Variants in SNX29 observed in about 807,000 individuals in gnomAD.
The protein encoded by SNX29 is sorting nexin 29.
In SNX29, 78 loss-of-function variants were observed where a neutral mutation model predicts 102.1. The observed-to-expected ratio is 0.76, with a 90% CI of 0.64 to 0.92. The LOEUF is 0.92. SNX29 is among the 40% of genes least tolerant of loss of function. The pLI is 0.00. For synonymous variants in SNX29, 580 were observed against 414.5 expected (o/e 1.40, Z -4.85); for missense variants, 1,280 against 1,061.7 (o/e 1.21, Z -2.86).
rs1046917658 is a variant in SNX29 at position 12,127,258 on chromosome 16, C to CA, written c.1466+574dup. On this transcript the variant is annotated intron_variant, in intron 12 of 20. Transcript: ENST00000566228. ...TGGGTGACAGAGCGAGCCTCTGTCTCAAAAAAAAAAAATAAAATAAAATAA... is the reference window on the plus strand; with the variant it reads ...TGGGTGACAGAGCGAGCCTCTGTCTCAAAAAAAAAAAAATAAAATAAAATAA... Among the ~76,000 whole-genome samples the CA allele has an allele frequency of 7.9e-3, 817 of 103,024 alleles. 5 individuals are homozygous for CA. The highest frequency in any genetic ancestry group is 0.017 in the African/African-American group (473 of 27,406). The allele number at this position is 103,024 out of a possible 152,430, so 67.6% of individuals were successfully genotyped here.
chr16:12,546,017 CAA>C (rs954104121), intron 20 of SNX29, among the ~76,000 whole-genome samples: 42 of 152,156 alleles, frequency 2.8e-4, no homozygotes, highest in African/African-American at 9.6e-4. Context: ...AAACAGAAAA[CAA>C]AAAAACCCAC....
intron 18 of SNX29, among the ~76,000 whole-genome samples, chr16:12,412,383 A>G (rs763577715): frequency 6.6e-5 from 10 of 152,214 alleles, no homozygotes; most frequent in Non-Finnish European, 1.5e-4. Flanking sequence ...TGTCTCAGTG[A>G]AATGAACCTG....
chr16:12,567,962 C>T (rs1192182026), intron 20 of SNX29, among the ~76,000 whole-genome samples: 1 of 152,160 alleles, frequency 6.6e-6, no homozygotes, highest in Admixed American at 6.5e-5. Context: ...CAGTGTCCCC[C>T]TCTTGGTGTT....
At chr16:12,315,140 G>A (rs1288261036) in intron 15 of SNX29, among the ~76,000 whole-genome samples, 2 of 152,192 alleles carry the variant, frequency 1.3e-5, no homozygotes, top group Non-Finnish European at 2.9e-5. Flanking sequence ...TTGTCTCAGG[G>A]GAATGATAGA....
intron 11 of SNX29, among the ~76,000 whole-genome samples, chr16:12,091,735 CT>C (rs1264245672): frequency 7.2e-6 from 1 of 138,538 alleles, no homozygotes; most frequent in Non-Finnish European, 1.5e-5. Flanking sequence ...CAAGATCATG[CT>C]ACTGCACTCC....
intron 18 of SNX29, among the ~76,000 whole-genome samples, chr16:12,471,101 C>T (rs2087317418): frequency 6.6e-6 from 1 of 152,188 alleles, no homozygotes; most frequent in African/African-American, 2.4e-5. Context: ...ATCTGACATG[C>T]TTTGGGCTAA....
chr16:12,541,579 C>A (rs115953074), intron 20 of SNX29, among the ~76,000 whole-genome samples: 1 of 152,178 alleles, frequency 6.6e-6, no homozygotes, highest in Non-Finnish European at 1.5e-5. Context: ...GCTCTCCATG[C>A]CAGACCTCAA....
chr16:12,154,347 C>T (rs1342216090), intron 13 of SNX29, among the ~76,000 whole-genome samples: 1 of 93,484 alleles, frequency 1.1e-5, no homozygotes, highest in African/African-American at 3.9e-5. Context: ...CGTTCTGAGA[C>T]CCCCCACAGT....
intron 9 of SNX29, among the ~76,000 whole-genome samples, chr16:12,068,638 G>A (rs1048855360): frequency 6.6e-6 from 1 of 152,156 alleles, no homozygotes; most frequent in Admixed American, 6.5e-5. Context: ...TCTACCTCCA[G>A]GGTTCAAGCG....
rs1191634290 is a variant in SNX29 at position 12,199,669 on chromosome 16, G to A, written c.1664G>A (p.Gly555Asp). 1.9e-6 allele frequency: 3 copies of A among 1,611,914 alleles called. No individual in the cohort carries two copies. Among genetic ancestry groups the A allele is most frequent in the East Asian group, 2.2e-5 (1 of 44,810 alleles). ...GCTGTCCAGATGCTGAAAAGAGAAG[G>A]TCAAACAGCTGAAGGTGAGGGGGAG... is the stretch of plus-strand genomic sequence containing the variant. ...VGAVQMLKRE[G>D]QTAEVPNLWS... Residue 555 changes from glycine (G) to aspartate (D), a missense_variant, in exon 14 of 21, where the codon GGT (glycine) becomes GAT (aspartate). Physicochemically the swap from Gly to Asp is moderately conservative, Grantham distance 94. Coordinates refer to ENST00000566228, the MANE Select transcript of SNX29 (RefSeq NM_032167.5).
intron 17 of SNX29, among the ~76,000 whole-genome samples, chr16:12,400,155 T>G (rs935647127): frequency 6.6e-6 from 1 of 152,094 alleles, no homozygotes; most frequent in African/African-American, 2.4e-5. Flanking sequence ...GAGGCAGCAA[T>G]GGCACCATTC....
rs2083093433 is a variant in SNX29, at chr16:12,380,941, C to G, written c.1900-17505C>G. 3.9e-5 allele frequency among the ~76,000 whole-genome samples: 2 copies of G among 51,462 alleles called. 1 individual carries two copies. The highest frequency in any genetic ancestry group is 6.6e-5 in the Non-Finnish European group (2 of 30,306). 33.8% of individuals were successfully genotyped at this position (51,462 alleles called of 152,430 possible). On this transcript the variant is annotated intron_variant, in intron 16 of 20. Coordinates refer to ENST00000566228, the MANE Select transcript of SNX29 (RefSeq NM_032167.5). ...CACCCACCATCCATCCATCCACCAT[C>G]CATCCATCCACCCATCCATCAATTT... is the stretch of plus-strand genomic sequence containing the variant.
chr16:12,310,018 G>A lies in SNX29; in HGVS notation c.1782+31982G>A, dbSNP rs143456803. On this transcript the variant is annotated intron_variant, in intron 15 of 20. Transcript: ENST00000566228. ...GATAAACACAGACGTGTGCACGCACGCTTGCACACATGGATGTGTGCACAC... is the reference window on the plus strand; with the variant it reads ...GATAAACACAGACGTGTGCACGCACACTTGCACACATGGATGTGTGCACAC... Among the ~76,000 whole-genome samples the A allele has an allele frequency of 2.9e-3, 415 of 145,552 alleles. 3 individuals are homozygous for A. Among genetic ancestry groups the A allele is most frequent in the Middle Eastern group, 7.2e-3 (2 of 278 alleles).
chr16:12,221,116 C>T (rs1622290), intron 14 of SNX29, among the ~76,000 whole-genome samples: 144,773 of 150,624 alleles, frequency 0.96, 69,461 homozygotes, highest in Non-Finnish European at 1. Context: ...GTTTTTTTTT[C>T]TTCTTCTTCT....
In SNX29 at chr16:12,571,756, C is replaced by A. The variant is rs1399332640; in HGVS notation, c.*3127C>A. On this transcript the variant is annotated 3_prime_UTR_variant, in exon 21 of 21. Coordinates refer to ENST00000566228, the MANE Select transcript of SNX29 (RefSeq NM_032167.5). ...TAGAAACCTAGCCCAACCATCCACTCCTGATCTGAGACAGAACCTTCTCCG... is the reference window on the plus strand; with the variant it reads ...TAGAAACCTAGCCCAACCATCCACTACTGATCTGAGACAGAACCTTCTCCG... 2.0e-6 allele frequency: 2 copies of A among 1,016,208 alleles called. No individual in the cohort carries two copies. Among genetic ancestry groups the A allele is most frequent in the African/African-American group, 3.3e-5 (2 of 59,824 alleles). The allele number at this position is 1,016,208 out of a possible 1,614,324, so 62.9% of individuals were successfully genotyped here.
intron 13 of SNX29, among the ~76,000 whole-genome samples, chr16:12,169,081 A>T (rs755420759): frequency 1.6e-4 from 24 of 152,302 alleles, no homozygotes; most frequent in South Asian, 6.2e-4. Flanking sequence ...TGTGCAGGTG[A>T]TGCAGTGTTC....
rs1004840555 is a variant in SNX29, at chr16:12,569,053, A to G, written c.*424A>G. On this transcript the variant is annotated 3_prime_UTR_variant, in exon 21 of 21. Transcript: ENST00000566228. ...CACTCTTTCCCACGTGGGGACTAGAATGACTATTAGCCTCTCCTTTTGCTT... is the reference window on the plus strand; with the variant it reads ...CACTCTTTCCCACGTGGGGACTAGAGTGACTATTAGCCTCTCCTTTTGCTT... The G allele has an allele frequency of 5.3e-5, 11 of 209,354 alleles. No homozygotes were observed. Among genetic ancestry groups the G allele is most frequent in the Admixed American group, 2.8e-4 (4 of 14,068 alleles). 13.0% of individuals were successfully genotyped at this position (209,354 alleles called of 1,614,324 possible). A position where few individuals can be genotyped will look rare whatever the true frequency, so the allele number is the denominator to read the frequency against.
Position 12,498,897 on chromosome 16 carries a change from A to G in SNX29, c.2178+21038A>G, listed in dbSNP as rs1021819105. Among the ~76,000 whole-genome samples, 11 of 152,210 alleles carry G rather than the reference A, an allele frequency of 7.2e-5. 1 individual carries two copies. The highest frequency in any genetic ancestry group is 1.5e-4 in the Non-Finnish European group (10 of 68,044). ...AGAGATGGTAGGTTTTTCAGAAGCT[A>G]GCAGTGAACTATCATCTAGGATTGA... On this transcript the variant is annotated intron_variant, in intron 19 of 20. Transcript: ENST00000566228.
intron 15 of SNX29, among the ~76,000 whole-genome samples, chr16:12,314,825 A>G (rs765882546): frequency 6.6e-6 from 1 of 152,228 alleles, no homozygotes; most frequent in East Asian, 1.9e-4. Context: ...AAAAGCCATC[A>G]TGTCCTTGCC....
Sources: allele counts gnomAD v4.1 joint callset (sites outside exome capture counted in the v4.1 genomes callset), GRCh38; gene constraint gnomAD v4.1.1; transcripts MANE v1.5; gene names NCBI Gene and HGNC (gene_info 2026-07-23, HGNC 2026-07-21).